DNAH14: variants seen among roughly 807,000 people sequenced by gnomAD.
The protein encoded by DNAH14 is dynein axonemal heavy chain 14, also known as axonemal beta dynein heavy chain 14.
A neutral mutation model predicts 520.9 loss-of-function variants in DNAH14; 478 were observed. The observed-to-expected ratio is 0.92, with a 90% CI of 0.85 to 0.99. The LOEUF (loss-of-function observed/expected upper bound fraction) is 0.99. Among genes scored for constraint, DNAH14 ranks in the 50% least tolerant of loss-of-function variants. The pLI, the probability that DNAH14 is intolerant of heterozygous loss-of-function variation, is 0.00. For missense variants in DNAH14, 4,831 were observed against 5,234.5 expected (o/e 0.92, Z 2.38); for synonymous variants, 1,581 against 1,757.2 (o/e 0.90, Z 2.51).
chr1:225,382,282 A>G (rs908246174), intron 81 of DNAH14, among the ~76,000 whole-genome samples: 2 of 152,226 alleles, frequency 1.3e-5, no homozygotes, highest in Admixed American at 6.5e-5. Context: ...TGGAACCCAA[A>G]TGCACCACTC....
chr1:224,946,516 C>T (rs998772790), intron 1 of DNAH14, among the ~76,000 whole-genome samples: 5 of 152,116 alleles, frequency 3.3e-5, no homozygotes, highest in African/African-American at 1.2e-4. Context: ...GTGAGATGAA[C>T]CCGGTACCTC....
intron 36 of DNAH14, among the ~76,000 whole-genome samples, chr1:225,175,876 A>T (rs2083274813): frequency 6.6e-6 from 1 of 151,894 alleles, no homozygotes; most frequent in Admixed American, 6.6e-5. Context: ...CTCCTGCCTC[A>T]GCCTCCTGAG....
chr1:225,371,400 C>T (rs1403028664), intron 77 of DNAH14, among the ~76,000 whole-genome samples: 5 of 151,850 alleles, frequency 3.3e-5, no homozygotes, highest in Admixed American at 2.0e-4. Context: ...TAGTAAAAAC[C>T]TAAAGTAATA....
chr1:225,192,973 C>A, intron 38 of DNAH14, 62 bp downstream of exon 38: 4 of 1,251,182 alleles, frequency 3.2e-6, no homozygotes, highest in Non-Finnish European at 3.3e-6. Context: ...ATTGCTTATC[C>A]AAAGACTGAT....
chr1:225,225,570 G>GA (rs1257458539), intron 41 of DNAH14, among the ~76,000 whole-genome samples: 1 of 151,402 alleles, frequency 6.6e-6, no homozygotes, highest in Admixed American at 6.6e-5. Context: ...AATATGCTCA[G>GA]AAAAAAAAGG....
Position 225,358,651 on chromosome 1 carries a change from T to TG in DNAH14, c.11776+1dup, listed in dbSNP as rs1230720872. ...CTCCGCTGATACTTATTCAAACTCA[T>TG]GGTAAGCTATTTGTGAATAGTTAAG... On this transcript the variant is annotated frameshift_variant and splice_region_variant, in exon 74 of 86. Coordinates refer to ENST00000682510, the MANE Select transcript of DNAH14 (RefSeq NM_001367479.1). LOFTEE classifies it high-confidence loss of function. 1 of 1,546,344 alleles carries TG rather than the reference T, an allele frequency of 6.5e-7. No individual in the cohort carries two copies. Among genetic ancestry groups the TG allele is most frequent in the Non-Finnish European group, 8.7e-7 (1 of 1,145,496 alleles).
chr1:225,203,200 C>A (rs544397027), intron 38 of DNAH14, among the ~76,000 whole-genome samples: 1 of 152,318 alleles, frequency 6.6e-6, no homozygotes, highest in African/African-American at 2.4e-5. Flanking sequence ...CAAGTAGGAG[C>A]TGCAATCTAG....
intron 36 of DNAH14, among the ~76,000 whole-genome samples, chr1:225,182,084 A>C (rs2149296255): frequency 6.6e-6 from 1 of 152,340 alleles, no homozygotes; most frequent in Non-Finnish European, 1.5e-5. Flanking sequence ...CTGTAATCCC[A>C]GCTATTTGAG....
intron 55 of DNAH14, among the ~76,000 whole-genome samples, 178 bp downstream of exon 55, chr1:225,290,260 T>G (rs1016614062): frequency 2.6e-5 from 4 of 152,058 alleles, no homozygotes; most frequent in Non-Finnish European, 4.4e-5. Context: ...CCCACACAGT[T>G]TATATATTTG....
chr1:225,115,044 G>T (rs1477405337), intron 23 of DNAH14, among the ~76,000 whole-genome samples: 1 of 152,174 alleles, frequency 6.6e-6, no homozygotes, highest in Admixed American at 6.5e-5. Context: ...CAGCCATCTT[G>T]CCTTCCTTAT....
chr1:225,351,548 C>A, intron 71 of DNAH14, 99 bp from the exon 72 acceptor site: 1 of 659,592 alleles, frequency 1.5e-6, no homozygotes, highest in Non-Finnish European at 2.4e-6. Context: ...TATGAAATAG[C>A]CTTAACAGTA....
chr1:225,302,184 C>A (rs908885104), intron 56 of DNAH14, among the ~76,000 whole-genome samples: 1 of 149,232 alleles, frequency 6.7e-6, no homozygotes, highest in African/African-American at 2.4e-5. Flanking sequence ...TTTGACATGT[C>A]CTACAATAAT....
At chr1:225,119,606 G>A in intron 26 of DNAH14, among the ~76,000 whole-genome samples, 1 of 152,174 alleles carries the variant, frequency 6.6e-6, no homozygotes, top group Non-Finnish European at 1.5e-5. Context: ...TCTGAACTCT[G>A]CTCAGTAGGG....
intron 60 of DNAH14, among the ~76,000 whole-genome samples, chr1:225,317,304 A>AT (rs1215827681): frequency 1.3e-5 from 2 of 151,890 alleles, no homozygotes; most frequent in African/African-American, 2.4e-5. Flanking sequence ...TTCTAAATTT[A>AT]TTTTTTCATT....
intron 35 of DNAH14, among the ~76,000 whole-genome samples, chr1:225,166,980 A>T (rs749850272): frequency 6.6e-6 from 1 of 152,218 alleles, no homozygotes; most frequent in Non-Finnish European, 1.5e-5. Flanking sequence ...TGTGCATACA[A>T]TGCTATTCTT....
At chr1:225,309,441 C>T (rs552202127) in intron 60 of DNAH14, among the ~76,000 whole-genome samples, 20 of 152,124 alleles carry the variant, frequency 1.3e-4, no homozygotes, top group Non-Finnish European at 2.6e-4. Context: ...AAGGCTTCCT[C>T]GTGTCCTCAG....
At chr1:225,130,401 A>G (rs2078265134) in intron 27 of DNAH14, among the ~76,000 whole-genome samples, 1 of 152,234 alleles carries the variant, frequency 6.6e-6, no homozygotes, top group Non-Finnish European at 1.5e-5. Flanking sequence ...TCACAATAGC[A>G]AAGACTTGGA....
chr1:225,347,648 C>T (rs1039457603), intron 71 of DNAH14, among the ~76,000 whole-genome samples: 3 of 152,108 alleles, frequency 2.0e-5, no homozygotes, highest in Admixed American at 2.0e-4. Flanking sequence ...ACAGGGAGAA[C>T]TTAGGAGGAG....
At chr1:225,394,441 T>C (rs2095974528) in intron 84 of DNAH14, among the ~76,000 whole-genome samples, 1 of 152,258 alleles carries the variant, frequency 6.6e-6, no homozygotes, top group South Asian at 2.1e-4. Context: ...AATGCTTTTT[T>C]ATGTTCTGTT....
Sources: allele counts gnomAD v4.1 joint callset (sites outside exome capture counted in the v4.1 genomes callset), GRCh38; gene constraint gnomAD v4.1.1; transcripts MANE v1.5; gene names NCBI Gene and HGNC (gene_info 2026-07-23, HGNC 2026-07-21).